The following STAU2 variants were observed in gnomAD, a reference collection of about 807,000 sequenced individuals.
STAU2 encodes staufen double-stranded RNA binding protein 2.
STAU2 carries 20 observed loss-of-function variants against 65.9 expected under a neutral mutation model. The observed-to-expected ratio is 0.30, with a 90% CI of 0.21 to 0.44. STAU2 has a LOEUF of 0.44. Ranked by LOEUF, STAU2 falls within the 20% of genes least tolerant of loss-of-function variation. STAU2 has a pLI of 1.00. For synonymous variants in STAU2, 232 were observed against 233.9 expected (o/e 0.99, Z 0.07); for missense variants, 558 against 683.9 (o/e 0.82, Z 2.05).
rs553110481 is a variant in STAU2 at position 73,631,995 on chromosome 8, G to C, written c.411-14544C>G. 2.5e-4 allele frequency among the ~76,000 whole-genome samples: 38 copies of C among 151,644 alleles called. No individual in the cohort carries two copies. In the East Asian group the frequency reaches 3.7e-3, roughly 15 times the overall value. On this transcript the variant is annotated intron_variant, in intron 6 of 14. Transcript: ENST00000524300. The stretch of plus-strand genomic sequence containing the variant: ...GGAGGGATAAGGACGAGGCAAGAAG[G>C]GGGGAGGAGAGGGAGGGAGGGAGGG...
At chr8:73,605,141 G>C (rs1006408942) in intron 9 of STAU2, among the ~76,000 whole-genome samples, 3 of 151,716 alleles carry the variant, frequency 2.0e-5, no homozygotes, top group Middle Eastern at 3.2e-3. Context: ...AAGTAAAAAA[G>C]GCAAGCTACA....
At chr8:73,514,965 TG>T (rs1322933738) in intron 13 of STAU2, among the ~76,000 whole-genome samples, 1 of 152,188 alleles carries the variant, frequency 6.6e-6, no homozygotes, top group African/African-American at 2.4e-5. Flanking sequence ...GACATGCAGC[TG>T]GTGGTTAAAA....
chr8:73,674,936 T>C (rs1360728295), intron 5 of STAU2, among the ~76,000 whole-genome samples: 1 of 151,660 alleles, frequency 6.6e-6, no homozygotes, highest in Non-Finnish European at 1.5e-5. Context: ...AGGTATTTCC[T>C]AGCTTAAGTA....
At chr8:73,574,180 G>C (rs1227561089) in intron 12 of STAU2, among the ~76,000 whole-genome samples, 1 of 152,204 alleles carries the variant, frequency 6.6e-6, no homozygotes, top group East Asian at 1.9e-4. Flanking sequence ...GGCCATCAGA[G>C]AAATGCAAAT....
At chr8:73,726,469 C>A (rs530329405) in intron 3 of STAU2, among the ~76,000 whole-genome samples, 3 of 152,186 alleles carry the variant, frequency 2.0e-5, no homozygotes, top group Admixed American at 1.3e-4. Flanking sequence ...ATAATATTTT[C>A]TGTTGCCCCT....
At chr8:73,528,632 AT>A (rs1805599390) in intron 13 of STAU2, among the ~76,000 whole-genome samples, 2 of 152,148 alleles carry the variant, frequency 1.3e-5, no homozygotes, top group Non-Finnish European at 2.9e-5. Flanking sequence ...AGGGATTCCT[AT>A]TTATTATATT....
At chr8:73,669,145 G>C (rs1291155807) in intron 6 of STAU2, 1 of 700,818 alleles carries the variant, frequency 1.4e-6, no homozygotes, top group African/African-American at 1.7e-5. Context: ...AATCATGGTT[G>C]TAACAGCCTA....
chr8:73,420,427 C>T lies in STAU2; in HGVS notation c.*945G>A. The T allele has an allele frequency of 3.2e-6, 1 of 313,460 alleles. No homozygotes were observed. The allele number at this position is 313,460 out of a possible 1,614,324, so 19.4% of individuals were successfully genotyped here. On this transcript the variant is annotated 3_prime_UTR_variant, in exon 15 of 15. Coordinates refer to ENST00000524300, the MANE Select transcript of STAU2 (RefSeq NM_001164380.2). ...CTGCTCCACGCTGGATTCCAACATGCTGGCCCGGAGCGTGGCTGGCTGGAA... is the reference window on the plus strand; with the variant it reads ...CTGCTCCACGCTGGATTCCAACATGTTGGCCCGGAGCGTGGCTGGCTGGAA...
At chr8:73,670,102 T>G (rs372984305) in intron 6 of STAU2, among the ~76,000 whole-genome samples, 1 of 152,166 alleles carries the variant, frequency 6.6e-6, no homozygotes, top group Non-Finnish European at 1.5e-5. Flanking sequence ...TTTATTTACA[T>G]TGGGGAACGT....
At chr8:73,654,637 C>CTAAAAAAAAAAAAAAAAA (rs1816164009) in intron 6 of STAU2, among the ~76,000 whole-genome samples, 1 of 26,308 alleles carries the variant, frequency 3.8e-5, no homozygotes, top group Non-Finnish European at 6.5e-5. Context: ...AAGATTGTCT[C>CTAAAAAAAAAAAAAAAAA]AAAAAAAAAA....
chr8:73,575,988 T>C (rs1586042042), intron 12 of STAU2, among the ~76,000 whole-genome samples: 1 of 152,066 alleles, frequency 6.6e-6, no homozygotes, highest in East Asian at 1.9e-4. Flanking sequence ...TGAACTAAAC[T>C]TCAACTAAAT....
At chr8:73,493,539 A>G (rs1226282272) in intron 13 of STAU2, among the ~76,000 whole-genome samples, 1 of 151,844 alleles carries the variant, frequency 6.6e-6, no homozygotes, top group Non-Finnish European at 1.5e-5. Context: ...ACTCAATGTT[A>G]TTAGTCATTA....
intron 13 of STAU2, among the ~76,000 whole-genome samples, chr8:73,484,228 A>C (rs1316039533): frequency 1.3e-5 from 2 of 152,176 alleles, no homozygotes; most frequent in Non-Finnish European, 2.9e-5. Flanking sequence ...AACAATGTCA[A>C]AAATTTGATA....
chr8:73,556,147 T>C (rs1171850070), intron 12 of STAU2, among the ~76,000 whole-genome samples: 1 of 152,188 alleles, frequency 6.6e-6, no homozygotes, highest in Admixed American at 6.5e-5. Context: ...TAAAACAATA[T>C]ATTTCTACAA....
intron 13 of STAU2, among the ~76,000 whole-genome samples, chr8:73,436,568 TTTTATTTATTTA>T (rs3032117): frequency 7.1e-5 from 10 of 141,416 alleles, no homozygotes; most frequent in Admixed American, 3.5e-4. Context: ...TTTGCCAATT[TTTTATTTATTTA>T]TTTATTTATT....
chr8:73,575,759 T>A (rs769978204), intron 12 of STAU2, among the ~76,000 whole-genome samples: 1 of 151,906 alleles, frequency 6.6e-6, no homozygotes, highest in East Asian at 1.9e-4. Context: ...GTGTATAAAA[T>A]GTATATACAT....
intron 13 of STAU2, among the ~76,000 whole-genome samples, chr8:73,489,406 C>T (rs1821060492): frequency 6.6e-6 from 1 of 151,870 alleles, no homozygotes; most frequent in Non-Finnish European, 1.5e-5. Context: ...TAGTTAAGTA[C>T]AACTGATGGA....
At chr8:73,739,631 T>C in intron 2 of STAU2, 125 bp downstream of exon 2, 1 of 805,770 alleles carries the variant, frequency 1.2e-6, no homozygotes, top group East Asian at 3.1e-5. Flanking sequence ...GTCCTCAGCA[T>C]CTGCATCAAT....
At chr8:73,569,594 C>G (rs1450651247) in intron 12 of STAU2, among the ~76,000 whole-genome samples, 4 of 151,638 alleles carry the variant, frequency 2.6e-5, no homozygotes, top group African/African-American at 9.7e-5. Context: ...CAGCTGGGTG[C>G]CCCTCTGAGA....
Sources: gnomAD v4.1 joint callset for allele counts (sites outside exome capture counted in the v4.1 genomes callset) on GRCh38, gnomAD v4.1.1 for gene constraint, MANE v1.5 for transcripts, NCBI Gene and HGNC (gene_info 2026-07-23, HGNC 2026-07-21) for gene names.